MBP: variants seen among roughly 807,000 people sequenced by gnomAD.
MBP encodes the protein myelin basic protein.
In MBP, 16 loss-of-function variants were observed where a neutral mutation model predicts 35.8. The observed-to-expected ratio is 0.45, with a 90% CI of 0.30 to 0.68. MBP has a LOEUF of 0.68. Ranked by LOEUF, MBP falls within the 30% of genes least tolerant of loss-of-function variation. The pLI is 0.08. For synonymous variants in MBP, 143 were observed against 159.6 expected, an observed-to-expected ratio of 0.90 and a Z score of 0.78; for missense variants, 380 against 404.7, an observed-to-expected ratio of 0.94 and a Z score of 0.52.
At chr18:76,981,627 C>T (rs1461565020) in intron 8 of MBP, 2 of 152,216 alleles carry the variant, frequency 1.3e-5, no homozygotes, top group Non-Finnish European at 2.9e-5. Context: ...CCTGCGAAGC[C>T]GCTTCAGGAA....
chr18:76,979,760 G>A lies in MBP; in HGVS notation c.*667C>T, dbSNP rs766644613. Reference sequence around the variant, plus strand: ...CCTCCTTTTCCTCCCTCTGCCACACGCGAATTCAGCTAATTGGGGTGTGTG... The same window carrying A: ...CCTCCTTTTCCTCCCTCTGCCACACACGAATTCAGCTAATTGGGGTGTGTG... On this transcript the variant is annotated 3_prime_UTR_variant, in exon 9 of 9. Coordinates refer to ENST00000355994, the MANE Select transcript of MBP (RefSeq NM_001025101.2). 2.9e-5 allele frequency: 17 copies of A among 580,888 alleles called. No homozygotes were observed. The highest frequency in any genetic ancestry group is 5.2e-5 in the Non-Finnish European group (17 of 326,752). 36.0% of individuals were successfully genotyped at this position (580,888 alleles called of 1,614,324 possible).
At chr18:77,100,455 TG>T (rs1255676748) in intron 2 of MBP, among the ~76,000 whole-genome samples, 2 of 152,048 alleles carry the variant, frequency 1.3e-5, no homozygotes, top group African/African-American at 4.8e-5. Flanking sequence ...GCAAAGTCCC[TG>T]GCTCACAGGA....
chr18:77,066,099 G>C (rs1366676474), intron 3 of MBP, 199 bp downstream of exon 3: 2 of 525,962 alleles, frequency 3.8e-6, no homozygotes, highest in African/African-American at 3.8e-5. Flanking sequence ...CTGGGCTCAA[G>C]CGATCCTCTT....
intron 4 of MBP, chr18:77,014,589 C>T (rs989635594): frequency 3.5e-5 from 34 of 985,424 alleles, no homozygotes; most frequent in Non-Finnish European, 4.1e-5. Context: ...AAAAACAAAA[C>T]CAAAAATTCC....
chr18:77,082,028 AT>A (rs1201528960), intron 2 of MBP, among the ~76,000 whole-genome samples: 11 of 150,646 alleles, frequency 7.3e-5, no homozygotes, highest in Non-Finnish European at 1.3e-4. Flanking sequence ...ATTTTTTTGT[AT>A]TTTTAGTAGA....
intron 2 of MBP, chr18:77,093,555 G>C (rs1172196401): frequency 6.6e-6 from 1 of 152,170 alleles, no homozygotes; most frequent in Admixed American, 6.5e-5. Flanking sequence ...CCACTTCCCT[G>C]CCTCCAAAAC....
At chr18:77,002,444 T>A (rs1970689811) in intron 4 of MBP, among the ~76,000 whole-genome samples, 1 of 152,264 alleles carries the variant, frequency 6.6e-6, no homozygotes, top group Non-Finnish European at 1.5e-5. Flanking sequence ...AGTAGGGATT[T>A]CCTTATGGGC....
chr18:77,040,193 G>A lies in MBP; in HGVS notation c.140-22925C>T, dbSNP rs553365839. ...TCCCTTCCAATTCTAAAATATGTTTGGTAAATGATCAAATACAAGTTTGTT... is the reference window on the plus strand; with the variant it reads ...TCCCTTCCAATTCTAAAATATGTTTAGTAAATGATCAAATACAAGTTTGTT... On this transcript the variant is annotated intron_variant, in intron 3 of 8. Transcript: ENST00000355994. Among the ~76,000 whole-genome samples, 6 of 152,132 alleles carry A rather than the reference G, an allele frequency of 3.9e-5. No individual in the cohort carries two copies. The South Asian group carries it at 1.0e-3, about 26-fold the overall frequency.
chr18:77,034,840 A>G (rs1431414174), intron 3 of MBP, among the ~76,000 whole-genome samples: 1 of 151,746 alleles, frequency 6.6e-6, no homozygotes, highest in African/African-American at 2.4e-5. Flanking sequence ...TCTTTGTACC[A>G]TTTGCTCCAG....
chr18:77,063,924 A>T (rs200681124), intron 3 of MBP, among the ~76,000 whole-genome samples: 1 of 140,920 alleles, frequency 7.1e-6, no homozygotes, highest in Non-Finnish European at 1.6e-5. Flanking sequence ...GTGTGTGTGT[A>T]TGTGTGTATT....
intron 2 of MBP, among the ~76,000 whole-genome samples, chr18:77,092,888 G>A (rs1975594237): frequency 6.6e-6 from 1 of 152,140 alleles, no homozygotes; most frequent in Admixed American, 6.5e-5. Context: ...GCTCAGTGGG[G>A]AACACACCGG....
At chr18:77,059,973 C>A (rs9960721) in intron 3 of MBP, among the ~76,000 whole-genome samples, 61,312 of 151,996 alleles carry the variant, frequency 0.4, 14,874 homozygotes, top group African/African-American at 0.69. Context: ...AAGGCCCTAG[C>A]CCTCCAGGCA....
chr18:77,121,669 C>T (rs1161010410), intron 1 of MBP, among the ~76,000 whole-genome samples: 3 of 152,188 alleles, frequency 2.0e-5, no homozygotes, highest in Non-Finnish European at 4.4e-5. Flanking sequence ...GCCTTTCATA[C>T]AGCAATCTAA....
chr18:76,996,895 T>C (rs557570807), intron 4 of MBP, among the ~76,000 whole-genome samples: 2 of 152,310 alleles, frequency 1.3e-5, no homozygotes, highest in African/African-American at 4.8e-5. Flanking sequence ...CCATTTAACA[T>C]GAGCTGTCAT....
intron 1 of MBP, among the ~76,000 whole-genome samples, chr18:77,123,500 T>C (rs928061842): frequency 1.3e-5 from 2 of 152,238 alleles, no homozygotes; most frequent in Non-Finnish European, 2.9e-5. Context: ...TGTGTCGACC[T>C]GGAAACACCG....
At chr18:77,018,611 C>CCCA (rs1971805822) in intron 3 of MBP, among the ~76,000 whole-genome samples, 3 of 101,386 alleles carry the variant, frequency 3.0e-5, no homozygotes, top group South Asian at 3.3e-4. Flanking sequence ...CATCTATCCA[C>CCCA]TCATCCATCC....
chr18:76,985,213 G>A (rs1480110641), intron 7 of MBP: 1 of 1,412,366 alleles, frequency 7.1e-7, no homozygotes. Context: ...CCTTCACGCT[G>A]TGGGGTGTTC....
At position 77,132,560 on chromosome 18, in the gene MBP, C is replaced by G. The variant is rs531524833; in HGVS notation, c.-26+20G>C. 9.6e-4 allele frequency: 147 copies of G among 152,396 alleles called. 1 individual carries two copies. Among genetic ancestry groups the G allele is most frequent in the Non-Finnish European group, 1.4e-3 (97 of 68,130 alleles). The allele number at this position is 152,396 out of a possible 1,614,324, so 9.4% of individuals were successfully genotyped here. A position where few individuals can be genotyped will look rare whatever the true frequency, so the allele number is the denominator to read the frequency against. On this transcript the variant is annotated intron_variant, in intron 1 of 8. Coordinates refer to ENST00000355994, the MANE Select transcript of MBP (RefSeq NM_001025101.2). Reference sequence around the variant, plus strand: ...GACAAAGGCGGCAGAGCAGCCCGCCCGTCCCCGAGGGTCACCCACCGGCGC... The same window carrying G: ...GACAAAGGCGGCAGAGCAGCCCGCCGGTCCCCGAGGGTCACCCACCGGCGC...
intron 3 of MBP, among the ~76,000 whole-genome samples, chr18:77,036,710 T>G (rs1313255311): frequency 6.8e-6 from 1 of 146,174 alleles, no homozygotes; most frequent in African/African-American, 2.6e-5. Flanking sequence ...CTGGTCACAT[T>G]TTGGAGGACT....
Sources: gnomAD v4.1 joint callset for allele counts (sites outside exome capture counted in the v4.1 genomes callset) on GRCh38, gnomAD v4.1.1 for gene constraint, MANE v1.5 for transcripts, NCBI Gene and HGNC (gene_info 2026-07-23, HGNC 2026-07-21) for gene names.